The following TTLL5 variants were observed in gnomAD, a reference collection of about 807,000 sequenced individuals.
TTLL5 encodes tubulin tyrosine ligase like 5, also known as tubulin polyglutamylase TTLL5.
In TTLL5, 132 loss-of-function variants were observed where a neutral mutation model predicts 168.4. That is an observed-to-expected ratio of 0.78 (90% CI 0.68 to 0.91). The LOEUF (loss-of-function observed/expected upper bound fraction) is 0.91, where lower values mean the gene tolerates loss of function less well. Ranked by LOEUF, TTLL5 falls within the 40% of genes least tolerant of loss-of-function variation. The probability of loss-of-function intolerance (pLI) is 0.00; values close to 1 mark genes in which losing one functional copy is unlikely to be tolerated. For synonymous variants in TTLL5, 546 were observed against 558.6 expected (o/e 0.98, Z 0.32); for missense variants, 1,545 against 1,581.5 (o/e 0.98, Z 0.39).
intron 28 of TTLL5, among the ~76,000 whole-genome samples, chr14:75,848,237 A>G (rs369228068): frequency 6.6e-6 from 1 of 151,956 alleles, no homozygotes; most frequent in East Asian, 1.9e-4. Context: ...AACTGATGTG[A>G]TGGGGCAGGA....
chr14:75,775,566 C>T lies in TTLL5; in HGVS notation c.2219C>T (p.Ala740Val). 6.2e-7 allele frequency: 1 copy of T among 1,614,102 alleles called. No homozygotes were observed. The highest frequency in any genetic ancestry group is 8.5e-7 in the Non-Finnish European group (1 of 1,179,988). The change falls in exon 22 of 32, where the codon GCA becomes GTA. Residue 740 changes from alanine (A) to valine (V), a missense_variant. By Grantham distance (64) the Ala-to-Val change is moderately conservative. Transcript: ENST00000298832. ...LRMVLPSRRLALLERRRILAH... is the reference protein window; with the variant it reads ...LRMVLPSRRLVLLERRRILAH... ...ATGGTATTACCCAGTCGACGATTGG[C>T]ACTTCTGGAACGCAGAAGAATCCTG...
intron 31 of TTLL5, among the ~76,000 whole-genome samples, chr14:75,943,721 G>A (rs959716991): frequency 2.0e-5 from 3 of 152,130 alleles, no homozygotes; most frequent in Non-Finnish European, 2.9e-5. Context: ...AGCAAAGCCA[G>A]CAAAATAATA....
Position 75,954,498 on chromosome 14 carries a change from G to A in TTLL5, c.*52G>A, listed in dbSNP as rs2035056046. The A allele has an allele frequency of 6.2e-7, 1 of 1,602,236 alleles. No individual in the cohort carries two copies. Among genetic ancestry groups the A allele is most frequent in the Admixed American group, 1.7e-5 (1 of 59,930 alleles). ...GTTCACCACTCCTGGGTGCATGATT[G>A]AGGGTGAAGCATCCACCAGCACTTC... is the stretch of plus-strand genomic sequence containing the variant. On this transcript the variant is annotated 3_prime_UTR_variant, in exon 32 of 32. Transcript: ENST00000298832.
chr14:75,706,344 C>A (rs1476838309), intron 7 of TTLL5, among the ~76,000 whole-genome samples: 1 of 152,236 alleles, frequency 6.6e-6, no homozygotes, highest in South Asian at 2.1e-4. Flanking sequence ...AATCTTAAAT[C>A]TGCCAGGCAG....
intron 30 of TTLL5, among the ~76,000 whole-genome samples, chr14:75,899,720 A>G (rs185291333): frequency 6.6e-6 from 1 of 152,278 alleles, no homozygotes; most frequent in East Asian, 1.9e-4. Flanking sequence ...ACCAGGGACC[A>G]TAGGGTTAGA....
chr14:75,874,377 C>T (rs561913331), intron 29 of TTLL5, among the ~76,000 whole-genome samples: 1 of 152,266 alleles, frequency 6.6e-6, no homozygotes, highest in East Asian at 1.9e-4. Context: ...CAAGTGTGAG[C>T]CACCGCACCT....
intron 7 of TTLL5, among the ~76,000 whole-genome samples, chr14:75,705,689 T>A (rs1886602456): frequency 6.6e-6 from 1 of 152,192 alleles, no homozygotes; most frequent in Non-Finnish European, 1.5e-5. Flanking sequence ...ATCCACGTGT[T>A]TAGTACATTT....
chr14:75,933,391 A>G (rs1260432047), intron 31 of TTLL5, among the ~76,000 whole-genome samples: 1 of 152,190 alleles, frequency 6.6e-6, no homozygotes, highest in Non-Finnish European at 1.5e-5. Flanking sequence ...TGAACCCTGG[A>G]GGTCAAGGCC....
At chr14:75,914,033 A>AAAAAAAAAAAATATATATATATAT in intron 31 of TTLL5, among the ~76,000 whole-genome samples, 27 of 71,062 alleles carry the variant, frequency 3.8e-4, no homozygotes, top group African/African-American at 1.1e-3. Flanking sequence ...AAAAAAAAAA[A>AAAAAAAAAAAATATATATATATAT]ATATATATAT....
intron 7 of TTLL5, among the ~76,000 whole-genome samples, chr14:75,700,614 A>C (rs984372012): frequency 2.0e-5 from 3 of 152,178 alleles, no homozygotes; most frequent in Non-Finnish European, 4.4e-5. Flanking sequence ...TAAAACCCCA[A>C]GTCTAAGGTG....
In TTLL5 at chr14:75,734,036, T is replaced by C. The variant is rs774501634; in HGVS notation, c.1172T>C (p.Met391Thr). 4 of 1,614,016 alleles carry C rather than the reference T, an allele frequency of 2.5e-6. No individual in the cohort carries two copies. The highest frequency in any genetic ancestry group is 2.2e-5 in the South Asian group (2 of 91,082). ...LKIKASMISDMFTVVGFVCQD... is the reference protein window; with the variant it reads ...LKIKASMISDTFTVVGFVCQD... ...ATTAAAGCCAGTATGATTTCAGATA[T>C]GTTCACTGTTGTAGGTGAGTAGTAG... is the stretch of plus-strand genomic sequence containing the variant. Residue 391 changes from methionine (M) to threonine (T), a missense_variant, in exon 14 of 32, where the codon ATG becomes ACG. By Grantham distance (81) the Met-to-Thr change is moderately conservative (BLOSUM62 -1). Coordinates refer to ENST00000298832, the MANE Select transcript of TTLL5 (RefSeq NM_015072.5).
chr14:75,673,656 A>G (rs1349179642), intron 3 of TTLL5, among the ~76,000 whole-genome samples: 4 of 152,252 alleles, frequency 2.6e-5, no homozygotes, highest in South Asian at 2.1e-4. Context: ...TGTCCGACAC[A>G]TAGTAGGCGC....
chr14:75,804,754 C>T (rs1411120309), intron 27 of TTLL5, among the ~76,000 whole-genome samples: 1 of 152,178 alleles, frequency 6.6e-6, no homozygotes, highest in Non-Finnish European at 1.5e-5. Context: ...AGTTGTTTAA[C>T]CTCCCTGTGC....
At chr14:75,933,804 A>G (rs1328533858) in intron 31 of TTLL5, among the ~76,000 whole-genome samples, 2 of 152,226 alleles carry the variant, frequency 1.3e-5, no homozygotes, top group East Asian at 3.8e-4. Flanking sequence ...GCCATGCGGC[A>G]GGGCCCTGCT....
At chr14:75,880,162 T>C (rs193090488) in intron 29 of TTLL5, among the ~76,000 whole-genome samples, 54 of 152,198 alleles carry the variant, frequency 3.5e-4, no homozygotes, top group African/African-American at 1.3e-3. Context: ...AGAGTGTGTG[T>C]ACATACATAT....
chr14:75,879,081 G>T (rs1158597680), intron 29 of TTLL5, among the ~76,000 whole-genome samples: 1 of 152,040 alleles, frequency 6.6e-6, no homozygotes. Flanking sequence ...GTCACTGTAG[G>T]GGAAACTAAA....
chr14:75,926,108 G>A (rs939030325), intron 31 of TTLL5, among the ~76,000 whole-genome samples: 6 of 148,426 alleles, frequency 4.0e-5, no homozygotes, highest in African/African-American at 1.5e-4. Flanking sequence ...GGGAGAGGGA[G>A]AGGGAGAACT....
At chr14:75,807,652 A>G (rs1190266579) in intron 27 of TTLL5, among the ~76,000 whole-genome samples, 1 of 152,230 alleles carries the variant, frequency 6.6e-6, no homozygotes, top group Non-Finnish European at 1.5e-5. Context: ...TGTCACACAG[A>G]TGGCAAGTTA....
chr14:75,715,214 G>C (rs78515887), intron 9 of TTLL5, among the ~76,000 whole-genome samples: 10 of 147,900 alleles, frequency 6.8e-5, no homozygotes, highest in Admixed American at 2.0e-4. Context: ...TCCCTGCTTA[G>C]AAAACCTCCT....
Sources: gnomAD v4.1 joint callset for allele counts (sites outside exome capture counted in the v4.1 genomes callset) on GRCh38, gnomAD v4.1.1 for gene constraint, MANE v1.5 for transcripts, NCBI Gene and HGNC (gene_info 2026-07-23, HGNC 2026-07-21) for gene names.